The following DMXL2 variants were observed in gnomAD, a reference collection of about 807,000 sequenced individuals.
DMXL2 encodes the protein Dmx like 2.
DMXL2 carries 103 observed loss-of-function variants against 331.1 expected under a neutral mutation model. The ratio of observed to expected loss-of-function variants is 0.31; its 90% CI spans 0.27 to 0.37. The LOEUF (loss-of-function observed/expected upper bound fraction) is 0.37, where lower values mean the gene tolerates loss of function less well. Among genes scored for constraint, DMXL2 ranks in the 10% least tolerant of loss-of-function variants. The pLI, the probability that DMXL2 is intolerant of heterozygous loss-of-function variation, is 1.00. For synonymous variants in DMXL2, 1,281 were observed against 1,252.1 expected (o/e 1.02, Z -0.49); for missense variants, 3,171 against 3,642.9 (o/e 0.87, Z 3.33).
chr15:51,578,359 T>C (rs79719929), intron 1 of DMXL2, among the ~76,000 whole-genome samples: 426 of 152,324 alleles, frequency 2.8e-3, no homozygotes, highest in Non-Finnish European at 5.3e-3. Flanking sequence ...CCCTAGCAAC[T>C]AGTGCTACTT....
At chr15:51,567,763 A>G (rs1213052202) in intron 3 of DMXL2, 1 of 152,340 alleles carries the variant, frequency 6.6e-6, no homozygotes, top group African/African-American at 2.4e-5. Context: ...TGTAGTCTAC[A>G]AAAGGCTTTT....
chr15:51,536,542 A>G lies in DMXL2; in HGVS notation c.1938T>C (p.Tyr646=), dbSNP rs1412645018. ...CATTGAGGTGAAATCGATGACCGCA[A>G]TATCTAAATTTGTGAGATACAGTTA... The part of the protein sequence containing the change: ...TVLTVSHKFR[Y]CGHRFHLNDL... The change falls in exon 12 of 44, where the codon TAT becomes TAC. Residue 646 remains tyrosine (Y), a synonymous_variant. Coordinates refer to ENST00000560891, the MANE Select transcript of DMXL2 (RefSeq NM_001378457.1). The G allele has an allele frequency of 1.9e-6, 3 of 1,613,976 alleles. No individual in the cohort carries two copies. The highest frequency in any genetic ancestry group is 2.2e-5 in the East Asian group (1 of 44,870).
chr15:51,509,669 C>G (rs1304714208), intron 15 of DMXL2, among the ~76,000 whole-genome samples: 1 of 152,142 alleles, frequency 6.6e-6, no homozygotes, highest in Non-Finnish European at 1.5e-5. Flanking sequence ...CTATTCCAAT[C>G]AATAGAAAAA....
At chr15:51,502,228 G>A (rs1464384406) in intron 17 of DMXL2, among the ~76,000 whole-genome samples, 3 of 109,044 alleles carry the variant, frequency 2.8e-5, no homozygotes, top group Admixed American at 1.0e-4. Context: ...GTGAGACTCC[G>A]TCTAAAAAAA....
At chr15:51,517,011 T>C in intron 14 of DMXL2, 67 bp downstream of exon 14, 1 of 1,217,956 alleles carries the variant, frequency 8.2e-7, no homozygotes, top group South Asian at 1.2e-5. Flanking sequence ...ATGACATATA[T>C]CATATACATA....
chr15:51,463,591 G>T, intron 32 of DMXL2, 95 bp from the exon 33 acceptor site: 1 of 725,100 alleles, frequency 1.4e-6, no homozygotes, highest in Non-Finnish European at 2.2e-6. Context: ...ACAATCTATT[G>T]CAAAGATATT....
intron 29 of DMXL2, among the ~76,000 whole-genome samples, chr15:51,468,017 T>C (rs945247583): frequency 2.0e-5 from 3 of 152,178 alleles, no homozygotes; most frequent in Admixed American, 2.0e-4. Flanking sequence ...TGAGCCACCA[T>C]GCCGGGCCTG....
At chr15:51,524,686 C>T (rs542550975) in intron 13 of DMXL2, among the ~76,000 whole-genome samples, 1 of 152,314 alleles carries the variant, frequency 6.6e-6, no homozygotes, top group South Asian at 2.1e-4. Flanking sequence ...TCAGCTGACG[C>T]TCACCCATGG....
rs370072037 is a variant in DMXL2 at position 51,514,435 on chromosome 15, A to G, written c.2644+7T>C. On this transcript the variant is annotated splice_region_variant and intron_variant, in intron 15 of 43. Transcript: ENST00000560891. ...GTAAACAAATGCAGACTATTTTTTT[A>G]AAGTACCTTGTGATGGCTGAAAAAA... 4 of 1,472,144 alleles carry G rather than the reference A, an allele frequency of 2.7e-6. No homozygotes were observed. In the African/African-American group the frequency reaches 4.3e-5, roughly 16 times the overall value. 91.2% of individuals were successfully genotyped at this position (1,472,144 alleles called of 1,614,324 possible). A position where few individuals can be genotyped will look rare whatever the true frequency, so the allele number is the denominator to read the frequency against.
At chr15:51,592,630 T>C (rs1256498869) in intron 1 of DMXL2, among the ~76,000 whole-genome samples, 1 of 151,946 alleles carries the variant, frequency 6.6e-6, no homozygotes, top group East Asian at 1.9e-4. Flanking sequence ...TTAACCAAAG[T>C]TGAAATGAAG....
At chr15:51,491,327 G>C (rs1166544224) in intron 20 of DMXL2, among the ~76,000 whole-genome samples, 1 of 152,044 alleles carries the variant, frequency 6.6e-6, no homozygotes, top group Admixed American at 6.6e-5. Context: ...TGTAGTCCCA[G>C]TTACTCAGAA....
Position 51,479,967 on chromosome 15 carries a change from G to A in DMXL2, c.6737C>T (p.Pro2246Leu). 1 of 1,516,948 alleles carries A rather than the reference G, an allele frequency of 6.6e-7. No individual in the cohort carries two copies. The highest frequency in any genetic ancestry group is 9.0e-7 in the Non-Finnish European group (1 of 1,117,144). 94.0% of individuals were successfully genotyped at this position (1,516,948 alleles called of 1,614,324 possible). A position where few individuals can be genotyped will look rare whatever the true frequency, so the allele number is the denominator to read the frequency against. ...TIVQMKTPPH[P>L]SIEDVKVHTL... ...CATTACCTTCACATCTTCAATACTG[G>A]GATGAGGTGGTGTTTTCATCTGAAC... The change falls in exon 25 of 44, where the codon CCC (proline) becomes CTC (leucine). Residue 2246 changes from proline to leucine, a missense_variant. By Grantham distance (98) the Pro-to-Leu change is moderately conservative (BLOSUM62 -3). Around this residue, in one of 7 missense-constraint regions of DMXL2, gnomAD observed 197 missense variants for 196.2 expected, o/e 1.00. Transcript: ENST00000560891.
intron 15 of DMXL2, among the ~76,000 whole-genome samples, chr15:51,508,145 G>A (rs1210696445): frequency 6.6e-6 from 1 of 152,070 alleles, no homozygotes; most frequent in Non-Finnish European, 1.5e-5. Context: ...CATAGACACA[G>A]GGAGGGGAAC....
At chr15:51,461,944 CAG>C (rs1303593519) in intron 33 of DMXL2, among the ~76,000 whole-genome samples, 1 of 152,178 alleles carries the variant, frequency 6.6e-6, no homozygotes, top group Non-Finnish European at 1.5e-5. Flanking sequence ...GTTTAAATGA[CAG>C]AGGCAAATAA....
Position 51,481,766 on chromosome 15 carries a change from T to C in DMXL2, c.5483-143A>G, listed in dbSNP as rs930359590. ...ATAGGTTACACTATGGCATATACAATCATTACAACTGTACAGCTGAAATAG... is the reference window on the plus strand; with the variant it reads ...ATAGGTTACACTATGGCATATACAACCATTACAACTGTACAGCTGAAATAG... On this transcript the variant is annotated intron_variant, in intron 23 of 43. Coordinates refer to ENST00000560891, the MANE Select transcript of DMXL2 (RefSeq NM_001378457.1). 5 of 734,816 alleles carry C rather than the reference T, an allele frequency of 6.8e-6. No individual in the cohort carries two copies. The South Asian group carries it at 1.2e-4, about 18-fold the overall frequency. The allele number at this position is 734,816 out of a possible 1,614,324, so 45.5% of individuals were successfully genotyped here. A position where few individuals can be genotyped will look rare whatever the true frequency, so the allele number is the denominator to read the frequency against.
At chr15:51,595,116 A>G (rs796106005) in intron 1 of DMXL2, among the ~76,000 whole-genome samples, 14 of 152,104 alleles carry the variant, frequency 9.2e-5, no homozygotes, top group African/African-American at 3.1e-4. Context: ...AATTAGGAAA[A>G]GAGGAAGTCA....
At chr15:51,451,799 T>C (rs1303836305) in intron 41 of DMXL2, 102 bp from the exon 42 acceptor site, 1 of 1,027,320 alleles carries the variant, frequency 9.7e-7, no homozygotes, top group African/African-American at 1.6e-5. Context: ...TTATTCATTC[T>C]TATCTTTTTT....
chr15:51,592,528 C>A (rs539549724), intron 1 of DMXL2, among the ~76,000 whole-genome samples: 1 of 152,316 alleles, frequency 6.6e-6, no homozygotes, highest in East Asian at 1.9e-4. Context: ...CCCAATCCAG[C>A]AAGGCAGGCC....
In DMXL2 at chr15:51,480,760, C is replaced by A; in HGVS notation, c.6346G>T (p.Val2116Leu). 6.2e-7 allele frequency: 1 copy of A among 1,600,098 alleles called. No individual in the cohort carries two copies. The highest frequency in any genetic ancestry group is 8.5e-7 in the Non-Finnish European group (1 of 1,170,678). ...TAGGAACCAATATCTGGTTTGTCTA[C>A]CATTTCTTCCTGATCCAGCAGATCA... Reference protein sequence around the residue: ...ESDLLDQEEMVDKPDIGSYER... With the variant: ...ESDLLDQEEMLDKPDIGSYER... The change falls in exon 24 of 44, where the codon GTA becomes TTA. Residue 2116 changes from valine (V) to leucine (L), a missense_variant. Coordinates refer to ENST00000560891, the MANE Select transcript of DMXL2 (RefSeq NM_001378457.1).
Sources: allele counts gnomAD v4.1 joint callset (sites outside exome capture counted in the v4.1 genomes callset), GRCh38; gene constraint gnomAD v4.1.1; regional missense constraint gnomAD v4.1.1; transcripts MANE v1.5; gene names NCBI Gene and HGNC (gene_info 2026-07-23, HGNC 2026-07-21).